The following TRAM2 variants were observed in gnomAD, a reference collection of about 807,000 sequenced individuals.
TRAM2 encodes translocation associated membrane protein 2, also known as translocating chain-associated membrane protein 2.
In TRAM2, 12 loss-of-function variants were observed where a neutral mutation model predicts 51.0. That is an observed-to-expected ratio of 0.24 (90% CI 0.15 to 0.38). The LOEUF is 0.38. TRAM2 is among the 10% of genes least tolerant of loss of function. The pLI is 1.00. For synonymous variants in TRAM2, 175 were observed against 179.4 expected (o/e 0.98, Z 0.20); for missense variants, 361 against 462.0 (o/e 0.78, Z 2.00).
chr6:52,564,215 C>G (rs1053168854), intron 1 of TRAM2, among the ~76,000 whole-genome samples: 3 of 152,156 alleles, frequency 2.0e-5, no homozygotes, highest in African/African-American at 7.2e-5. Context: ...GGAGGGATGG[C>G]TCACAGCAAG....
intron 2 of TRAM2, among the ~76,000 whole-genome samples, chr6:52,527,815 T>C (rs910894853): frequency 1.3e-5 from 2 of 152,234 alleles, no homozygotes; most frequent in African/African-American, 2.4e-5. Context: ...TGAAAATTCA[T>C]TGAGCTGAAC....
rs970978693 is a variant in TRAM2, at chr6:52,497,965, T to C, written c.*5232A>G. 4 of 152,234 alleles carry C rather than the reference T, an allele frequency of 2.6e-5. No individual in the cohort carries two copies. The highest frequency in any genetic ancestry group is 3.8e-4 in the East Asian group (2 of 5,198). 9.4% of individuals were successfully genotyped at this position (152,234 alleles called of 1,614,324 possible). A position where few individuals can be genotyped will look rare whatever the true frequency, so the allele number is the denominator to read the frequency against. On this transcript the variant is annotated 3_prime_UTR_variant, in exon 11 of 11. Transcript: ENST00000182527. ...TTTAGGCAGAGTGACGGTGATGTCA[T>C]GGGCACCACGCCAATCTTATTCCTG...
At chr6:52,527,081 A>G (rs1766795075) in intron 2 of TRAM2, among the ~76,000 whole-genome samples, 1 of 152,118 alleles carries the variant, frequency 6.6e-6, no homozygotes, top group Admixed American at 6.6e-5. Flanking sequence ...ACAACTGATT[A>G]GAAAAAAAAA....
intron 2 of TRAM2, chr6:52,522,825 T>C: frequency 1.5e-6 from 1 of 687,528 alleles, no homozygotes. Context: ...AGTCACATTC[T>C]GCTTGACCTC....
chr6:52,503,055 C>A lies in TRAM2; in HGVS notation c.*142G>T. 1.4e-6 allele frequency: 1 copy of A among 721,024 alleles called. No homozygotes were observed. Among genetic ancestry groups the A allele is most frequent in the South Asian group, 1.6e-5 (1 of 61,172 alleles). 44.7% of individuals were successfully genotyped at this position (721,024 alleles called of 1,614,324 possible). A position where few individuals can be genotyped will look rare whatever the true frequency, so the allele number is the denominator to read the frequency against. On this transcript the variant is annotated 3_prime_UTR_variant, in exon 11 of 11. Transcript: ENST00000182527. ...GCCAAGAAGAAGGAAAGCGAAACGC[C>A]CCCTCCCCCCATTGCAAGACAGGTT... is the stretch of plus-strand genomic sequence containing the variant.
At chr6:52,529,151 G>C (rs1000264472) in intron 2 of TRAM2, among the ~76,000 whole-genome samples, 5 of 151,964 alleles carry the variant, frequency 3.3e-5, no homozygotes, top group African/African-American at 1.2e-4. Context: ...TCGGCCTCCC[G>C]AAGTGCTGGG....
chr6:52,568,806 A>G (rs1396662906), intron 1 of TRAM2, among the ~76,000 whole-genome samples: 1 of 152,236 alleles, frequency 6.6e-6, no homozygotes, highest in Non-Finnish European at 1.5e-5. Context: ...CTACACTTAT[A>G]TAATAAAGAT....
chr6:52,555,423 A>C (rs1767388078), intron 1 of TRAM2, among the ~76,000 whole-genome samples: 2 of 152,234 alleles, frequency 1.3e-5, no homozygotes, highest in African/African-American at 4.8e-5. Context: ...ACAAATATAT[A>C]TATATGAATA....
intron 2 of TRAM2, among the ~76,000 whole-genome samples, chr6:52,521,141 C>G: frequency 6.6e-6 from 1 of 151,970 alleles, no homozygotes; most frequent in South Asian, 2.1e-4. Context: ...AACTCTTGAC[C>G]TAAGATGATC....
At chr6:52,557,176 A>G (rs113807990) in intron 1 of TRAM2, among the ~76,000 whole-genome samples, 27,512 of 146,954 alleles carry the variant, frequency 0.19, 3,580 homozygotes, top group Non-Finnish European at 0.28. Flanking sequence ...CTGGGAGACA[A>G]AGCAAAACTC....
intron 3 of TRAM2, 34 bp downstream of exon 3, chr6:52,516,594 G>A: frequency 3.2e-6 from 5 of 1,581,660 alleles, no homozygotes; most frequent in Non-Finnish European, 4.3e-6. Context: ...CACCTCCCCA[G>A]CTTCTGATCT....
intron 2 of TRAM2, 79 bp downstream of exon 2, chr6:52,535,704 C>T: frequency 7.4e-7 from 1 of 1,343,270 alleles, no homozygotes; most frequent in Non-Finnish European, 1.0e-6. Context: ...AAAAATTGTA[C>T]ACAGATGGGG....
intron 2 of TRAM2, among the ~76,000 whole-genome samples, chr6:52,526,504 G>C (rs547754106): frequency 6.6e-6 from 1 of 151,782 alleles, no homozygotes; most frequent in Non-Finnish European, 1.5e-5. Context: ...CTTGTGCCTC[G>C]GCCTCCTGAG....
At position 52,503,047 on chromosome 6, in the gene TRAM2, C is replaced by T. The variant is rs3032; in HGVS notation, c.*150G>A. The T allele has an allele frequency of 0.037, 25,516 of 694,836 alleles. 582 individuals carry two copies. The highest frequency in any genetic ancestry group is 0.048 in the Non-Finnish European group (18,920 of 394,152). 43.0% of individuals were successfully genotyped at this position (694,836 alleles called of 1,614,324 possible). A position where few individuals can be genotyped will look rare whatever the true frequency, so the allele number is the denominator to read the frequency against. On this transcript the variant is annotated 3_prime_UTR_variant, in exon 11 of 11. Coordinates refer to ENST00000182527, the MANE Select transcript of TRAM2 (RefSeq NM_012288.4). Reference sequence around the variant, plus strand: ...AAGAGGAAGCCAAGAAGAAGGAAAGCGAAACGCCCCCTCCCCCCATTGCAA... The same window carrying T: ...AAGAGGAAGCCAAGAAGAAGGAAAGTGAAACGCCCCCTCCCCCCATTGCAA...
At chr6:52,540,560 T>C (rs1180125581) in intron 1 of TRAM2, among the ~76,000 whole-genome samples, 1 of 152,184 alleles carries the variant, frequency 6.6e-6, no homozygotes, top group East Asian at 1.9e-4. Context: ...GCAGACTTAC[T>C]TCTTCAGCCT....
intron 1 of TRAM2, among the ~76,000 whole-genome samples, chr6:52,545,076 A>AT (rs1450205534): frequency 3.7e-4 from 57 of 152,260 alleles, no homozygotes; most frequent in African/African-American, 1.3e-3. Flanking sequence ...AGACTTGGGG[A>AT]TTTTTTCTCA....
intron 1 of TRAM2, among the ~76,000 whole-genome samples, chr6:52,552,133 AAG>A (rs1166211918): frequency 1.3e-5 from 2 of 152,244 alleles, no homozygotes; most frequent in Non-Finnish European, 2.9e-5. Flanking sequence ...GAGCCCTGGC[AAG>A]AGGAGAGGGC....
At chr6:52,508,832 G>C (rs1004932595) in intron 5 of TRAM2, among the ~76,000 whole-genome samples, 4 of 152,180 alleles carry the variant, frequency 2.6e-5, no homozygotes, top group African/African-American at 9.7e-5. Flanking sequence ...TCAGGAGTTT[G>C]AGACCAGCCT....
intron 1 of TRAM2, among the ~76,000 whole-genome samples, chr6:52,569,368 C>T (rs1194175750): frequency 2.9e-5 from 4 of 135,598 alleles, no homozygotes; most frequent in African/African-American, 1.1e-4. Context: ...CCAGCCTGGG[C>T]GACAAAGCAA....
Sources: allele counts gnomAD v4.1 joint callset (sites outside exome capture counted in the v4.1 genomes callset), GRCh38; gene constraint gnomAD v4.1.1; transcripts MANE v1.5; gene names NCBI Gene and HGNC (gene_info 2026-07-23, HGNC 2026-07-21).